Variants in SLC35F4 observed in about 807,000 individuals in gnomAD.
The protein encoded by SLC35F4 is chromosome 14 open reading frame 36.
In SLC35F4, 24 loss-of-function variants were observed where a neutral mutation model predicts 44.2. The observed-to-expected ratio is 0.54, with a 90% CI of 0.39 to 0.76. The LOEUF (loss-of-function observed/expected upper bound fraction) is 0.76, where lower values mean the gene tolerates loss of function less well. Ranked by LOEUF, SLC35F4 falls within the 30% of genes least tolerant of loss-of-function variation. The pLI is 0.00. For missense variants in SLC35F4, 562 were observed against 586.1 expected, an observed-to-expected ratio of 0.96 and a Z score of 0.42; for synonymous variants, 238 against 223.6, an observed-to-expected ratio of 1.06 and a Z score of -0.57.
chr14:57,671,246 A>G (rs2074511933), intron 1 of SLC35F4, among the ~76,000 whole-genome samples: 1 of 152,040 alleles, frequency 6.6e-6, no homozygotes, highest in Non-Finnish European at 1.5e-5. Flanking sequence ...CAGAATGAGA[A>G]GCGGTGGGGA....
intron 1 of SLC35F4, among the ~76,000 whole-genome samples, chr14:57,956,530 C>T (rs1224436211): frequency 6.6e-6 from 1 of 152,018 alleles, no homozygotes; most frequent in Non-Finnish European, 1.5e-5. Context: ...AAAATTTCTG[C>T]AATCTATCCA....
intron 1 of SLC35F4, among the ~76,000 whole-genome samples, chr14:57,856,835 G>A (rs1427567552): frequency 6.6e-6 from 1 of 152,026 alleles, no homozygotes; most frequent in African/African-American, 2.4e-5. Flanking sequence ...TTCATAACTT[G>A]TTCCAGTGAA....
chr14:57,679,794 G>C (rs2140299550), intron 1 of SLC35F4, among the ~76,000 whole-genome samples: 2 of 152,096 alleles, frequency 1.3e-5, no homozygotes, highest in Middle Eastern at 6.8e-3. Context: ...TAAATTCCTA[G>C]ACACATACAC....
At chr14:57,734,296 T>A (rs147679993) in intron 1 of SLC35F4, among the ~76,000 whole-genome samples, 1 of 152,310 alleles carries the variant, frequency 6.6e-6, no homozygotes, top group Non-Finnish European at 1.5e-5. Context: ...AGGGTTACTA[T>A]TAGGATCCAA....
chr14:57,818,491 T>C (rs1428491402), intron 1 of SLC35F4, among the ~76,000 whole-genome samples: 1 of 152,174 alleles, frequency 6.6e-6, no homozygotes, highest in Non-Finnish European at 1.5e-5. Flanking sequence ...TTGACCCTTG[T>C]TGCTGTCAAG....
intron 1 of SLC35F4, among the ~76,000 whole-genome samples, chr14:57,660,017 G>A (rs1379587850): frequency 6.6e-6 from 1 of 152,150 alleles, no homozygotes; most frequent in Non-Finnish European, 1.5e-5. Flanking sequence ...AGGTCCACAA[G>A]AAATGTGAGG....
intron 1 of SLC35F4, among the ~76,000 whole-genome samples, chr14:57,814,888 AT>A (rs1490436688): frequency 6.6e-6 from 1 of 152,220 alleles, no homozygotes; most frequent in African/African-American, 2.4e-5. Context: ...GTTTTAAAAA[AT>A]AAACGTCATT....
At chr14:57,732,919 C>T (rs938850637) in intron 1 of SLC35F4, among the ~76,000 whole-genome samples, 6 of 151,940 alleles carry the variant, frequency 3.9e-5, no homozygotes, top group Non-Finnish European at 1.5e-5. Context: ...GAAAACAAAC[C>T]ATCTGTTGTT....
Position 57,646,108 on chromosome 14 carries a change from G to T in SLC35F4, c.104-51984C>A, listed in dbSNP as rs1182566771. On this transcript the variant is annotated intron_variant, in intron 1 of 7. Transcript: ENST00000556826. ...TCTTTTTTTGTTGTGTCTCTGCCAG[G>T]TTTTGGTATCAGGATGATGCTGGCC... is the stretch of plus-strand genomic sequence containing the variant. Among the ~76,000 whole-genome samples the T allele has an allele frequency of 3.3e-5, 5 of 152,146 alleles. No homozygotes were observed. In the South Asian group the frequency reaches 1.0e-3, roughly 32 times the overall value.
intron 1 of SLC35F4, among the ~76,000 whole-genome samples, chr14:57,609,964 C>T (rs1011438271): frequency 6.6e-6 from 1 of 152,162 alleles, no homozygotes; most frequent in African/African-American, 2.4e-5. Context: ...AAAGGAGCTG[C>T]TATGTGAGGA....
chr14:57,743,332 A>G (rs1403083853), intron 1 of SLC35F4, among the ~76,000 whole-genome samples: 5 of 152,328 alleles, frequency 3.3e-5, no homozygotes, highest in Admixed American at 3.3e-4. Context: ...CGCTAGCAAG[A>G]CTAATAAAGA....
chr14:57,702,676 A>G (rs576116841), intron 1 of SLC35F4, among the ~76,000 whole-genome samples: 1 of 152,300 alleles, frequency 6.6e-6, no homozygotes, highest in South Asian at 2.1e-4. Flanking sequence ...AGATTTCAAA[A>G]CTGATTTGTT....
chr14:57,669,039 C>T (rs570829804), intron 1 of SLC35F4, among the ~76,000 whole-genome samples: 50 of 152,002 alleles, frequency 3.3e-4, no homozygotes, highest in Non-Finnish European at 6.2e-4. Flanking sequence ...TTGAAGAGGG[C>T]CTTTACATCC....
chr14:57,917,430 A>G (rs938941516), intron 1 of SLC35F4, among the ~76,000 whole-genome samples: 1 of 151,934 alleles, frequency 6.6e-6, no homozygotes, highest in African/African-American at 2.4e-5. Context: ...TAGCATATTA[A>G]TCACAGTTTT....
intron 1 of SLC35F4, among the ~76,000 whole-genome samples, chr14:57,735,944 G>T (rs2076453805): frequency 6.6e-6 from 1 of 151,986 alleles, no homozygotes; most frequent in Non-Finnish European, 1.5e-5. Context: ...TCTTCTCCTG[G>T]CCTCAAGGGA....
In SLC35F4 at chr14:57,896,533, T is replaced by C. The variant is rs953528870; in HGVS notation, n.282+85380A>G. On this transcript the variant is annotated intron_variant and non_coding_transcript_variant, in intron 1 of 1. Transcript: ENST00000556568. The stretch of plus-strand genomic sequence containing the variant: ...GGCAGTGCCCATAAGGACGTATATG[T>C]GATGTATATGTATATGCACCTAAAA... 1.6e-4 allele frequency among the ~76,000 whole-genome samples: 24 copies of C among 152,180 alleles called. 1 individual carries two copies. Among genetic ancestry groups the C allele is most frequent in the African/African-American group, 5.8e-4 (24 of 41,470 alleles).
At chr14:57,958,850 C>A (rs1319244902) in intron 1 of SLC35F4, among the ~76,000 whole-genome samples, 2 of 152,208 alleles carry the variant, frequency 1.3e-5, no homozygotes, top group African/African-American at 4.8e-5. Flanking sequence ...CTACTCACAG[C>A]AGGTCCTGCC....
At chr14:57,968,184 T>A (rs1880937780) in intron 1 of SLC35F4, among the ~76,000 whole-genome samples, 1 of 152,246 alleles carries the variant, frequency 6.6e-6, no homozygotes, top group Admixed American at 6.5e-5. Context: ...AGTGCAGATC[T>A]ACTTTAAATT....
intron 1 of SLC35F4, among the ~76,000 whole-genome samples, chr14:57,715,858 A>T (rs1700677901): frequency 1.3e-5 from 2 of 152,196 alleles, no homozygotes; most frequent in African/African-American, 4.8e-5. Flanking sequence ...ATATGCCAAG[A>T]TGTAATATAA....
Sources: gnomAD v4.1 joint callset for allele counts (sites outside exome capture counted in the v4.1 genomes callset) on GRCh38, gnomAD v4.1.1 for gene constraint, MANE v1.5 for transcripts, NCBI Gene and HGNC (gene_info 2026-07-23, HGNC 2026-07-21) for gene names.